Variants in PCED1B observed in about 807,000 individuals in gnomAD.
The protein encoded by PCED1B is PC-esterase domain containing 1B.
For synonymous variants in PCED1B, 251 were observed against 246.1 expected, an observed-to-expected ratio of 1.02 and a Z score of -0.19; for missense variants, 573 against 573.9, an observed-to-expected ratio of 1.00 and a Z score of 0.02.
chr12:47,191,468 T>C (rs1942436360), intron 2 of PCED1B, among the ~76,000 whole-genome samples: 1 of 152,208 alleles, frequency 6.6e-6, no homozygotes, highest in South Asian at 2.1e-4. Context: ...AATCCTCACC[T>C]TGACCCTCCC....
intron 2 of PCED1B, among the ~76,000 whole-genome samples, chr12:47,146,765 A>T (rs1266738244): frequency 6.6e-6 from 1 of 152,222 alleles, no homozygotes; most frequent in African/African-American, 2.4e-5. Flanking sequence ...CCAAAAATTC[A>T]TACGATTTAC....
At chr12:47,227,608 C>G (rs1413662067) in intron 3 of PCED1B, among the ~76,000 whole-genome samples, 1 of 151,976 alleles carries the variant, frequency 6.6e-6, no homozygotes, top group East Asian at 2.0e-4. Flanking sequence ...AATCCCAGCA[C>G]TTTGGGAGGG....
At chr12:47,161,885 T>G (rs1449537950) in intron 2 of PCED1B, among the ~76,000 whole-genome samples, 1 of 152,156 alleles carries the variant, frequency 6.6e-6, no homozygotes, top group African/African-American at 2.4e-5. Context: ...AATGATAGAC[T>G]GGAGTAAGAA....
chr12:47,204,329 T>C (rs1350967225), intron 2 of PCED1B, among the ~76,000 whole-genome samples: 1 of 152,178 alleles, frequency 6.6e-6, no homozygotes, highest in African/African-American at 2.4e-5. Context: ...ATTGAATCTA[T>C]AAATTGCTTT....
At chr12:47,229,456 T>C (rs968457131) in intron 3 of PCED1B, among the ~76,000 whole-genome samples, 1 of 150,720 alleles carries the variant, frequency 6.6e-6, no homozygotes, top group African/African-American at 2.4e-5. Flanking sequence ...CACTCAAAAG[T>C]GTTTCGGATT....
At chr12:47,207,902 G>C (rs1361880108) in intron 2 of PCED1B, among the ~76,000 whole-genome samples, 2 of 152,160 alleles carry the variant, frequency 1.3e-5, no homozygotes, top group Admixed American at 6.5e-5. Context: ...ACAGGCAGAG[G>C]TTACAGATTT....
rs914722929 is a variant in PCED1B, at chr12:47,104,206, C to G, written c.-526+11C>G. On this transcript the variant is annotated intron_variant, in intron 2 of 3. Transcript: ENST00000546455. ...GCCTCCTACAAATATGTGAGTTTTT[C>G]TCCCCTGGCTTCATGGTAGAAAAGG... 1.3e-5 allele frequency: 2 copies of G among 152,174 alleles called. No homozygotes were observed. The highest frequency in any genetic ancestry group is 2.9e-5 in the Non-Finnish European group (2 of 68,036). The allele number at this position is 152,174 out of a possible 1,614,324, so 9.4% of individuals were successfully genotyped here.
chr12:47,157,825 G>A (rs1941244439), intron 2 of PCED1B, among the ~76,000 whole-genome samples: 1 of 152,084 alleles, frequency 6.6e-6, no homozygotes, highest in South Asian at 2.1e-4. Flanking sequence ...GCTAGTTCCT[G>A]ACAACCAGTA....
chr12:47,196,079 CA>C (rs1269917275), intron 2 of PCED1B, among the ~76,000 whole-genome samples: 1 of 152,180 alleles, frequency 6.6e-6, no homozygotes, highest in Non-Finnish European at 1.5e-5. Context: ...TTTAACTTTG[CA>C]AAGACTATTA....
intron 1 of PCED1B, among the ~76,000 whole-genome samples, chr12:47,082,133 C>T (rs1351420222): frequency 6.6e-6 from 1 of 152,188 alleles, no homozygotes; most frequent in Non-Finnish European, 1.5e-5. Flanking sequence ...ACATTTTTAT[C>T]TTTCTAGCAT....
At chr12:47,231,408 C>A (rs141116851) in intron 3 of PCED1B, among the ~76,000 whole-genome samples, 1 of 16 alleles carries the variant, frequency 0.062, no homozygotes, top group Non-Finnish European at 0.12. Context: ...GGAGAGGGTG[C>A]TAAAGCTAGT....
In PCED1B at chr12:47,235,607, C is replaced by G. The variant is rs148925320; in HGVS notation, c.544C>G (p.Arg182Gly). 8 of 1,609,454 alleles carry G rather than the reference C, an allele frequency of 5.0e-6. No individual in the cohort carries two copies. The highest frequency in any genetic ancestry group is 1.7e-4 in the Middle Eastern group (1 of 6,034). Residue 182 changes from arginine to glycine, a missense_variant, in exon 4 of 4, where the codon CGG becomes GGG. Arg to Gly is a moderately radical substitution (Grantham distance 125). Transcript: ENST00000546455. Reference sequence around the variant, plus strand: ...CGGGGGTTTTCTTCCGCCCAAGCTCCGGCGGCAGAAGGCCACCTTCCTGAA... The same window carrying G: ...CGGGGGTTTTCTTCCGCCCAAGCTCGGGCGGCAGAAGGCCACCTTCCTGAA... Reference protein sequence around the residue: ...VTGGFLPPKLRRQKATFLKNE... With the variant: ...VTGGFLPPKLGRQKATFLKNE...
intron 3 of PCED1B, among the ~76,000 whole-genome samples, chr12:47,225,656 T>C (rs1416647243): frequency 6.6e-6 from 1 of 152,244 alleles, no homozygotes; most frequent in Non-Finnish European, 1.5e-5. Context: ...GTTCAAACTA[T>C]TGGTTAGATC....
rs147691985 is a variant in PCED1B, at chr12:47,173,120, T to C, written c.-525-43102T>C. On this transcript the variant is annotated intron_variant, in intron 2 of 3. Transcript: ENST00000546455. ...ATAGAAAGTGTCACAGAATGACCTA[T>C]CAGGCATTAAATCGGATGATTAAAC... 9.6e-3 allele frequency among the ~76,000 whole-genome samples: 1,455 copies of C among 152,322 alleles called. 19 individuals carry two copies. The highest frequency in any genetic ancestry group is 0.032 in the African/African-American group (1,344 of 41,552).
At chr12:47,093,488 G>A (rs1438900597) in intron 1 of PCED1B, among the ~76,000 whole-genome samples, 1 of 150,668 alleles carries the variant, frequency 6.6e-6, no homozygotes, top group Non-Finnish European at 1.5e-5. Flanking sequence ...ATTTCTTTTT[G>A]TAAGTTTGAT....
chr12:47,128,941 A>G (rs1407449978), intron 2 of PCED1B, among the ~76,000 whole-genome samples: 2 of 152,222 alleles, frequency 1.3e-5, no homozygotes, highest in Non-Finnish European at 2.9e-5. Context: ...GCAGAAAGCC[A>G]TCTCTGAATT....
chr12:47,211,376 G>A (rs984125007), intron 2 of PCED1B, among the ~76,000 whole-genome samples: 1 of 152,136 alleles, frequency 6.6e-6, no homozygotes, highest in African/African-American at 2.4e-5. Context: ...TTATGGCCAG[G>A]TGCGGTGACT....
chr12:47,235,619 G>T lies in PCED1B; in HGVS notation c.556G>T (p.Ala186Ser). The change falls in exon 4 of 4, where the codon GCC becomes TCC. Residue 186 changes from alanine (A) to serine (S), a missense_variant. Ala to Ser is a moderately conservative substitution (Grantham distance 99). Transcript: ENST00000546455. ...FLPPKLRRQK[A>S]TFLKNEVVKA... is the part of the protein sequence containing the mutation. ...TCCGCCCAAGCTCCGGCGGCAGAAG[G>T]CCACCTTCCTGAAAAACGAAGTGGT... 6.2e-7 allele frequency: 1 copy of T among 1,610,222 alleles called. No homozygotes were observed. The highest frequency in any genetic ancestry group is 8.5e-7 in the Non-Finnish European group (1 of 1,178,014).
chr12:47,165,832 G>A (rs1005958561), intron 2 of PCED1B, among the ~76,000 whole-genome samples: 2 of 152,072 alleles, frequency 1.3e-5, no homozygotes, highest in African/African-American at 2.4e-5. Flanking sequence ...TCAATTAAAA[G>A]TTCAATACAC....
Sources: allele counts gnomAD v4.1 joint callset (sites outside exome capture counted in the v4.1 genomes callset), GRCh38; gene constraint gnomAD v4.1.1; transcripts MANE v1.5; gene names NCBI Gene and HGNC (gene_info 2026-07-23, HGNC 2026-07-21).